The following FOCAD variants were observed in gnomAD, a reference collection of about 807,000 sequenced individuals.
FOCAD encodes the protein focadhesin, also known as KIAA1797.
Under a neutral mutation model 225.6 loss-of-function variants are expected in FOCAD, and 198 were observed. The observed-to-expected ratio is 0.88, with a 90% CI of 0.78 to 0.99. The LOEUF is 0.99. Ranked by LOEUF, FOCAD falls within the 50% of genes least tolerant of loss-of-function variation. The pLI, the probability that FOCAD is intolerant of heterozygous loss-of-function variation, is 0.00. For missense variants in FOCAD, 2,713 were observed against 2,123.6 expected (o/e 1.28, Z -5.46); for synonymous variants, 897 against 755.0 (o/e 1.19, Z -3.08).
At chr9:20,793,019 C>G (rs142222336) in intron 11 of FOCAD, among the ~76,000 whole-genome samples, 1,955 of 152,256 alleles carry the variant, frequency 0.013, 54 homozygotes, top group African/African-American at 0.045. Flanking sequence ...TCTTTGGACA[C>G]TTTGTACTCT....
intron 4 of FOCAD, among the ~76,000 whole-genome samples, chr9:20,723,697 A>C (rs1470002915): frequency 6.6e-6 from 1 of 152,238 alleles, no homozygotes; most frequent in Non-Finnish European, 1.5e-5. Context: ...CTTCCTTAAC[A>C]AACAGAAATA....
intron 2 of FOCAD, among the ~76,000 whole-genome samples, chr9:20,659,054 A>G (rs1821617818): frequency 6.6e-6 from 1 of 152,106 alleles, no homozygotes. Flanking sequence ...CCCCATTTCT[A>G]CTAAAAATTC....
upstream of FOCAD, among the ~76,000 whole-genome samples, chr9:20,683,696 C>T (rs1203054352): frequency 3.9e-5 from 6 of 152,096 alleles, no homozygotes; most frequent in African/African-American, 9.7e-5. Context: ...GTGGATATAC[C>T]ACAGTGGCGT....
At chr9:20,925,666 C>A (rs1564160549) in intron 25 of FOCAD, among the ~76,000 whole-genome samples, 1 of 152,162 alleles carries the variant, frequency 6.6e-6, no homozygotes, top group Non-Finnish European at 1.5e-5. Context: ...TTTTGACATC[C>A]ATGGTCATGA....
intron 9 of FOCAD, among the ~76,000 whole-genome samples, chr9:20,779,339 G>A (rs1819118849): frequency 6.6e-6 from 1 of 152,226 alleles, no homozygotes; most frequent in South Asian, 2.1e-4. Flanking sequence ...TTTTACATTG[G>A]TGCTGCCTCA....
chr9:20,847,638 G>C (rs1239155917), intron 15 of FOCAD, among the ~76,000 whole-genome samples: 3 of 152,016 alleles, frequency 2.0e-5, no homozygotes, highest in Non-Finnish European at 2.9e-5. Context: ...GGCAATAAGA[G>C]TACATAAGAT....
chr9:20,978,033 T>C (rs748075138), intron 36 of FOCAD, among the ~76,000 whole-genome samples: 110 of 152,218 alleles, frequency 7.2e-4, no homozygotes, highest in Non-Finnish European at 1.3e-3. Context: ...GATCCAGAGA[T>C]TACTAGCTAG....
At chr9:20,960,193 C>T (rs112429600) in intron 35 of FOCAD, among the ~76,000 whole-genome samples, 22 of 152,274 alleles carry the variant, frequency 1.4e-4, no homozygotes, top group African/African-American at 4.6e-4. Flanking sequence ...AGATTAGAAG[C>T]CAGTTAGTTT....
chr9:20,948,191 T>A, intron 30 of FOCAD, 80 bp from the exon 31 acceptor site: 1 of 1,323,908 alleles, frequency 7.6e-7, no homozygotes, highest in Non-Finnish European at 1.0e-6. Flanking sequence ...TAAAAGTGTT[T>A]ATGTTGCTAT....
In FOCAD at chr9:20,866,976, T is replaced by A; in HGVS notation, c.2154T>A (p.Ser718Arg). 6.4e-7 allele frequency: 1 copy of A among 1,567,374 alleles called. No homozygotes were observed. ...CATATAGATCCCTGGCCAACTTTAG[T>A]GCAGGAGAACACACCATTCTTCATC... ...NAAYRSLANFSAGEHTILHLP... is the reference protein window; with the variant it reads ...NAAYRSLANFRAGEHTILHLP... The change falls in exon 18 of 44, where the codon AGT (serine) becomes AGA (arginine). Residue 718 changes from serine (S) to arginine (R), a missense_variant. By Grantham distance (110) the Ser-to-Arg change is moderately radical. Transcript: ENST00000338382.
chr9:20,885,215 T>A lies in FOCAD; in HGVS notation c.2610T>A (p.Leu870=). The A allele has an allele frequency of 6.5e-7, 1 of 1,527,428 alleles. No homozygotes were observed. Among genetic ancestry groups the A allele is most frequent in the Non-Finnish European group, 8.8e-7 (1 of 1,135,216 alleles). 94.6% of individuals were successfully genotyped at this position (1,527,428 alleles called of 1,614,324 possible). ...GGCGAAGTTTCAAGCAGACTTCACT[T>A]GCTCTTGTACATGAGGTAGGTTCCC... is the stretch of plus-strand genomic sequence containing the variant. ...SRGRSFKQTS[L]ALVHEVHIQL... is the part of the protein sequence containing the mutation. The change falls in exon 21 of 44, where the codon CTT becomes CTA. Residue 870 remains leucine, a synonymous_variant. Coordinates refer to ENST00000338382, the MANE Select transcript of FOCAD (RefSeq NM_001375567.1).
intron 15 of FOCAD, among the ~76,000 whole-genome samples, chr9:20,858,581 T>C (rs1302024870): frequency 6.6e-6 from 1 of 152,162 alleles, no homozygotes; most frequent in Non-Finnish European, 1.5e-5. Flanking sequence ...TTTTTGTTGC[T>C]TTTCAGTGTT....
chr9:20,735,946 A>T lies in FOCAD; in HGVS notation c.288-4290A>T, dbSNP rs185224620. ...TTTCAGTATAGTTACAAGGCTGTGC[A>T]ATCATGCATTCTAATTTAACTGGAG... On this transcript the variant is annotated intron_variant, in intron 4 of 43. Coordinates refer to ENST00000338382, the MANE Select transcript of FOCAD (RefSeq NM_001375567.1). Among the ~76,000 whole-genome samples the T allele has an allele frequency of 2.8e-4, 42 of 152,298 alleles. 1 individual carries two copies. In the South Asian group the frequency reaches 3.3e-3, roughly 12 times the overall value.
In FOCAD at chr9:20,664,314, C is replaced by T. The variant is rs933550280; in HGVS notation, c.-78+5488C>T. Among the ~76,000 whole-genome samples, 3 of 146,454 alleles carry T rather than the reference C, an allele frequency of 2.0e-5. No homozygotes were observed. In the South Asian group the frequency reaches 6.8e-4, roughly 33 times the overall value. On this transcript the variant is annotated intron_variant, in intron 2 of 45. Transcript: ENST00000380249. ...CTAAGTGATCTGACATCTAGTATGACCATAGAAACACCTACTTTATTAAAA... is the reference window on the plus strand; with the variant it reads ...CTAAGTGATCTGACATCTAGTATGATCATAGAAACACCTACTTTATTAAAA...
At chr9:20,977,001 C>G (rs1377775754) in intron 36 of FOCAD, among the ~76,000 whole-genome samples, 1 of 152,142 alleles carries the variant, frequency 6.6e-6, no homozygotes, top group African/African-American at 2.4e-5. Context: ...ATGTTTCTCA[C>G]CAGCCTAAGA....
intron 7 of FOCAD, among the ~76,000 whole-genome samples, chr9:20,766,027 G>A (rs957623281): frequency 6.6e-6 from 1 of 152,152 alleles, no homozygotes; most frequent in Non-Finnish European, 1.5e-5. Flanking sequence ...ATTCTCCTGT[G>A]GCTTTTCCAA....
intron 21 of FOCAD, among the ~76,000 whole-genome samples, chr9:20,890,228 G>T (rs544848070): frequency 6.6e-6 from 1 of 151,970 alleles, no homozygotes; most frequent in African/African-American, 2.4e-5. Flanking sequence ...GAATAGGACT[G>T]ATGAGAGTTA....
chr9:20,657,858 T>A (rs1280720007), upstream of FOCAD, among the ~76,000 whole-genome samples: 1 of 120,048 alleles, frequency 8.3e-6, no homozygotes, highest in East Asian at 2.3e-4. Flanking sequence ...GGCGCTCTGC[T>A]TTTTAGAGTT....
At chr9:20,893,067 T>C (rs372822494) in intron 21 of FOCAD, among the ~76,000 whole-genome samples, 14 of 151,944 alleles carry the variant, frequency 9.2e-5, no homozygotes, top group African/African-American at 3.1e-4. Flanking sequence ...CAGGCTGGAG[T>C]GCAGTGACTA....
Sources: gnomAD v4.1 joint callset for allele counts (sites outside exome capture counted in the v4.1 genomes callset) on GRCh38, gnomAD v4.1.1 for gene constraint, MANE v1.5 for transcripts, NCBI Gene and HGNC (gene_info 2026-07-23, HGNC 2026-07-21) for gene names.